AMBN: variants seen among roughly 807,000 people sequenced by gnomAD.
The protein encoded by AMBN is enamel matrix protein.
A neutral mutation model predicts 48.0 loss-of-function variants in AMBN; 54 were observed. The ratio of observed to expected loss-of-function variants is 1.12; its 90% confidence interval spans 0.90 to 1.41. The LOEUF is 1.41. AMBN is among the 40% of genes most tolerant of loss of function. The pLI, the probability that AMBN is intolerant of heterozygous loss-of-function variation, is 0.00. For missense variants in AMBN, 571 were observed against 547.3 expected, an observed-to-expected ratio of 1.04 and a Z score of -0.43; for synonymous variants, 186 against 190.0, an observed-to-expected ratio of 0.98 and a Z score of 0.17.
At chr4:70,604,840 A>G (rs766830942) in intron 12 of AMBN, among the ~76,000 whole-genome samples, 2 of 152,094 alleles carry the variant, frequency 1.3e-5, no homozygotes, top group Non-Finnish European at 2.9e-5. Context: ...TAAAAATACA[A>G]AAATCAGCCA....
Position 70,601,444 on chromosome 4 carries a change from C to A in AMBN, c.321C>A (p.Pro107=). 1 of 1,614,110 alleles carries A rather than the reference C, an allele frequency of 6.2e-7. No homozygotes were observed. The highest frequency in any genetic ancestry group is 8.5e-7 in the Non-Finnish European group (1 of 1,179,990). ...ATGAATATTCTTTGCCTGTGCATCC[C>A]CCACCTCTCCCATCACAGCCATCCT... ...QQYEYSLPVH[P]PPLPSQPSLK... is the part of the protein sequence containing the mutation. The change falls in exon 6 of 13, where the codon CCC becomes CCA. Residue 107 remains proline, a synonymous_variant. Transcript: ENST00000322937.
intron 2 of AMBN, among the ~76,000 whole-genome samples, chr4:70,596,347 G>T (rs1737385388): frequency 6.6e-6 from 1 of 150,594 alleles, no homozygotes; most frequent in African/African-American, 2.4e-5. Flanking sequence ...GTATATTTTT[G>T]AACAACTTTT....
intron 2 of AMBN, among the ~76,000 whole-genome samples, 198 bp downstream of exon 2, chr4:70,593,593 G>A (rs1336638485): frequency 3.3e-5 from 5 of 152,130 alleles, no homozygotes; most frequent in South Asian, 2.1e-4. Flanking sequence ...AGCCGGGTGC[G>A]GTGGCTCACG....
At chr4:70,599,759 A>T in intron 5 of AMBN, 113 bp downstream of exon 5, 1 of 657,616 alleles carries the variant, frequency 1.5e-6, no homozygotes, top group Non-Finnish European at 2.4e-6. Context: ...TTAACAAAAA[A>T]TTATTCTCGT....
intron 4 of AMBN, among the ~76,000 whole-genome samples, chr4:70,598,680 A>AG (rs1032046798): frequency 1.3e-5 from 2 of 151,370 alleles, no homozygotes; most frequent in African/African-American, 4.9e-5. Context: ...ATCTCAAACA[A>AG]TTTATGCAAA....
At position 70,603,910 on chromosome 4, in the gene AMBN, GA is replaced by G. The variant is rs772832255; in HGVS notation, c.789del (p.Glu264LysfsTer22). Reference sequence around the variant, plus strand: ...TGCCAGACTTGGCATCATGAGTTCAGAAGAAGTGGCAGTGAGTAATGTCTTC... The same window carrying G: ...TGCCAGACTTGGCATCATGAGTTCAGAGAAGTGGCAGTGAGTAATGTCTTC... ...APARLGIMSS[E>X]EVAGGREDPM... On this transcript the variant is annotated frameshift_variant, in exon 12 of 13. Coordinates refer to ENST00000322937, the MANE Select transcript of AMBN (RefSeq NM_016519.6). LOFTEE classifies it low-confidence loss of function (END_TRUNC). 58 of 1,613,882 alleles carry G rather than the reference GA, an allele frequency of 3.6e-5. No homozygotes were observed. The highest frequency in any genetic ancestry group is 9.3e-6 in the Non-Finnish European group (11 of 1,179,934).
At chr4:70,605,947 T>C (rs1737632512) in intron 12 of AMBN, among the ~76,000 whole-genome samples, 1 of 152,198 alleles carries the variant, frequency 6.6e-6, no homozygotes, top group Non-Finnish European at 1.5e-5. Flanking sequence ...GCTTCTGCCC[T>C]GTTATCTCCC....
At chr4:70,593,667 C>A (rs562461443) in intron 2 of AMBN, among the ~76,000 whole-genome samples, 27 of 152,154 alleles carry the variant, frequency 1.8e-4, no homozygotes, top group African/African-American at 6.3e-4. Context: ...GAGCTTGAGA[C>A]CAGCCTAGCC....
At chr4:70,597,972 A>G (rs1277946080) in intron 3 of AMBN, among the ~76,000 whole-genome samples, 2 of 145,874 alleles carry the variant, frequency 1.4e-5, no homozygotes, top group African/African-American at 5.1e-5. Flanking sequence ...TGTTTGTTTC[A>G]AATTCCTCTT....
chr4:70,605,942 T>C (rs1227097077), intron 12 of AMBN, among the ~76,000 whole-genome samples: 1 of 152,220 alleles, frequency 6.6e-6, no homozygotes, highest in African/African-American at 2.4e-5. Context: ...GTCTTGCTTC[T>C]GCCCTGTTAT....
At chr4:70,604,719 G>A (rs931596295) in intron 12 of AMBN, among the ~76,000 whole-genome samples, 5 of 150,582 alleles carry the variant, frequency 3.3e-5, no homozygotes, top group East Asian at 3.9e-4. Context: ...TTGGCTGGGC[G>A]CAGTGGCTCA....
chr4:70,593,467 A>G, intron 2 of AMBN, 72 bp downstream of exon 2: 2 of 1,286,718 alleles, frequency 1.6e-6, no homozygotes, highest in Non-Finnish European at 1.1e-6. Flanking sequence ...CTGAAGGGAT[A>G]TGGACTGAGA....
Position 70,602,829 on chromosome 4 carries a change from G to T in AMBN, c.602G>T (p.Gly201Val), listed in dbSNP as rs1250793812. ...GGAATGGATTTTCCTGATCCACAAG[G>T]TCCATCAGTAAGTACAGATCTCAGT... ...LPGMDFPDPQ[G>V]PSLPGLDFAD... Residue 201 changes from glycine (G) to valine (V), a missense_variant, in exon 8 of 13, where the codon GGT (glycine) becomes GTT (valine). By Grantham distance (109) the Gly-to-Val change is moderately radical. Transcript: ENST00000322937. 1.3e-6 allele frequency: 2 copies of T among 1,591,712 alleles called. No individual in the cohort carries two copies. The highest frequency in any genetic ancestry group is 2.7e-5 in the African/African-American group (2 of 73,972).
rs1414593837 is a variant in AMBN at position 70,606,579 on chromosome 4, A to T, written c.1193A>T (p.Tyr398Phe). ...GAATTAGCTGATGTTTATAGGACCT[A>T]CGATGCTGACATGACCACATCCGTG... ...TPELADVYRT[Y>F]DADMTTSVDF... The change falls in exon 13 of 13, where the codon TAC becomes TTC. Residue 398 changes from tyrosine (Y) to phenylalanine (F), a missense_variant. Physicochemically the swap from Tyr to Phe is conservative, Grantham distance 22 (BLOSUM62 3). Coordinates refer to ENST00000322937, the MANE Select transcript of AMBN (RefSeq NM_016519.6). The T allele has an allele frequency of 6.2e-7, 1 of 1,614,036 alleles. No individual in the cohort carries two copies. Among genetic ancestry groups the T allele is most frequent in the African/African-American group, 1.3e-5 (1 of 74,922 alleles).
Position 70,601,611 on chromosome 4 carries a change from T to C in AMBN, c.488T>C (p.Val163Ala), listed in dbSNP as rs1055383957. 6.2e-7 allele frequency: 1 copy of C among 1,614,138 alleles called. No homozygotes were observed. The highest frequency in any genetic ancestry group is 1.7e-5 in the Admixed American group (1 of 60,016). Residue 163 changes from valine (V) to alanine (A), a missense_variant, in exon 6 of 13, where the codon GTT (valine) becomes GCT (alanine). By Grantham distance (64) the Val-to-Ala change is moderately conservative. Coordinates refer to ENST00000322937, the MANE Select transcript of AMBN (RefSeq NM_016519.6). ...TTGCAGGAAGGAGAACTGCCTCTGG[T>C]TCAGCAGCAGGTGGCACCATCAGAT... The part of the protein sequence containing the change: ...LPLQEGELPL[V>A]QQQVAPSDKP...
chr4:70,593,165 A>G (rs1251389287), intron 1 of AMBN, among the ~76,000 whole-genome samples, 162 bp from the exon 2 acceptor site: 2 of 152,060 alleles, frequency 1.3e-5, no homozygotes, highest in Admixed American at 6.6e-5. Context: ...CTACATACAA[A>G]TCGGTTGTTT....
chr4:70,603,732 C>T (rs1737580401), intron 11 of AMBN, 145 bp from the exon 12 acceptor site: 4 of 847,416 alleles, frequency 4.7e-6, no homozygotes, highest in East Asian at 2.6e-5. Flanking sequence ...TACATTTATT[C>T]CATAATGACT....
intron 3 of AMBN, among the ~76,000 whole-genome samples, chr4:70,598,122 T>A (rs1737427723): frequency 6.6e-6 from 1 of 152,220 alleles, no homozygotes; most frequent in Non-Finnish European, 1.5e-5. Context: ...AAATAATACT[T>A]TTTCTCCTTT....
chr4:70,600,826 C>G (rs531631680), intron 5 of AMBN, among the ~76,000 whole-genome samples: 5 of 152,186 alleles, frequency 3.3e-5, no homozygotes, highest in Non-Finnish European at 7.3e-5. Context: ...AGGTCACATT[C>G]AGTAGAACAA....
Sources: gnomAD v4.1 joint callset for allele counts (sites outside exome capture counted in the v4.1 genomes callset) on GRCh38, gnomAD v4.1.1 for gene constraint, MANE v1.5 for transcripts, NCBI Gene and HGNC (gene_info 2026-07-23, HGNC 2026-07-21) for gene names.